Variants in TBL1XR1 observed in about 807,000 individuals in gnomAD.
The protein encoded by TBL1XR1 is TBL1X/Y related 1, also known as F-box-like/WD repeat-containing protein TBL1XR1.
TBL1XR1 carries 5 observed loss-of-function variants against 66.9 expected under a neutral mutation model. That is an observed-to-expected ratio of 0.07 (90% CI 0.04 to 0.16). The LOEUF is 0.16. TBL1XR1 is among the 10% of genes least tolerant of loss of function. The pLI is 1.00. For synonymous variants in TBL1XR1, 210 were observed against 206.0 expected (o/e 1.02, Z -0.17); for missense variants, 238 against 623.2 (o/e 0.38, Z 6.58).
At position 177,149,014 on chromosome 3, in the gene TBL1XR1, AAAAG is replaced by A. The variant is rs775458353; in HGVS notation, c.-122+48103_-122+48106del. On this transcript the variant is annotated intron_variant, in intron 1 of 15. Coordinates refer to ENST00000457928, the MANE Select transcript of TBL1XR1 (RefSeq NM_024665.7). ...GAGCAAAACTCCCTCAAAAAAAAAG[AAAAG>A]AAAAGAAAAGAAAAAACTCCAGGAG... Among the ~76,000 whole-genome samples, 119 of 59,880 alleles carry A rather than the reference AAAAG, an allele frequency of 2.0e-3. 4 individuals carry two copies. The highest frequency in any genetic ancestry group is 2.1e-3 in the Non-Finnish European group (48 of 22,936). The allele number at this position is 59,880 out of a possible 152,430, so 39.3% of individuals were successfully genotyped here.
rs77309313 is a variant in TBL1XR1 at position 177,041,259 on chromosome 3, C to T, written c.926-2825G>A. On this transcript the variant is annotated intron_variant, in intron 10 of 15. Transcript: ENST00000457928. ...AACTTCACAGAACTGCCTTGCTCTG[C>T]TGCTCTGTATCCAAGCTGGTGTTGT... is the stretch of plus-strand genomic sequence containing the variant. 148 of 152,572 alleles carry T rather than the reference C, an allele frequency of 9.7e-4. 3 individuals carry two copies. The East Asian group carries it at 0.025, about 26-fold the overall frequency. 9.5% of individuals were successfully genotyped at this position (152,572 alleles called of 1,614,324 possible).
intron 2 of TBL1XR1, among the ~76,000 whole-genome samples, chr3:177,097,535 G>T (rs1404289839): frequency 6.6e-6 from 1 of 152,050 alleles, no homozygotes; most frequent in Non-Finnish European, 1.5e-5. Flanking sequence ...TAAAGCAAAT[G>T]CCAGCTCCCA....
At chr3:177,193,129 G>C (rs1302123192) in intron 1 of TBL1XR1, among the ~76,000 whole-genome samples, 1 of 151,086 alleles carries the variant, frequency 6.6e-6, no homozygotes, top group African/African-American at 2.4e-5. Context: ...CTCCAGCCTG[G>C]GCAACAGAGC....
chr3:177,079,154 G>A (rs1370086154), intron 2 of TBL1XR1, among the ~76,000 whole-genome samples: 3 of 152,018 alleles, frequency 2.0e-5, no homozygotes, highest in South Asian at 2.1e-4. Flanking sequence ...AATGTCGGCC[G>A]GGTGCGGTGG....
intron 1 of TBL1XR1, among the ~76,000 whole-genome samples, chr3:177,172,959 G>A (rs1276802420): frequency 6.6e-6 from 1 of 152,062 alleles, no homozygotes; most frequent in Non-Finnish European, 1.5e-5. Flanking sequence ...GATCACCTGA[G>A]GTCAGGAGTT....
rs569015717 is a variant in TBL1XR1 at position 177,133,147 on chromosome 3, C to A, written c.-121-34606G>T. On this transcript the variant is annotated intron_variant, in intron 1 of 15. Transcript: ENST00000457928. ...CTAAAAATACAAAAAACTAGCCGGG[C>A]ATGGTGGCGCACATCTGTAATCCCA... 3.9e-5 allele frequency among the ~76,000 whole-genome samples: 6 copies of A among 152,140 alleles called. No homozygotes were observed. The East Asian group carries it at 1.2e-3, about 30-fold the overall frequency.
In TBL1XR1 at chr3:177,131,177, G is replaced by A. The variant is rs80304320; in HGVS notation, c.-121-32636C>T. 0.018 allele frequency among the ~76,000 whole-genome samples: 2,769 copies of A among 151,978 alleles called. 165 individuals carry two copies. In the East Asian group the frequency reaches 0.21, roughly 11 times the overall value. ...ATATTGAGAACTTCTTCAGCAAATC[G>A]GGAATCCATGTCAAGCGTAGGAGAC... On this transcript the variant is annotated intron_variant, in intron 1 of 15. Transcript: ENST00000457928.
chr3:177,200,116 G>A (rs1310436434), upstream of TBL1XR1, among the ~76,000 whole-genome samples: 1 of 152,048 alleles, frequency 6.6e-6, no homozygotes, highest in Non-Finnish European at 1.5e-5. Context: ...GGGATTACAG[G>A]CATGCACCAC....
intron 14 of TBL1XR1, among the ~76,000 whole-genome samples, chr3:177,028,987 A>G (rs980650042): frequency 6.6e-6 from 1 of 152,190 alleles, no homozygotes; most frequent in Non-Finnish European, 1.5e-5. Flanking sequence ...GGAAATATCT[A>G]TACCTCACAC....
intron 14 of TBL1XR1, among the ~76,000 whole-genome samples, chr3:177,031,080 C>A (rs1713922845): frequency 6.6e-6 from 1 of 152,044 alleles, no homozygotes; most frequent in Non-Finnish European, 1.5e-5. Context: ...CCATCGCACT[C>A]CAGCCTGGGG....
intron 2 of TBL1XR1, among the ~76,000 whole-genome samples, chr3:177,093,779 A>G (rs1723121450): frequency 6.6e-6 from 1 of 152,192 alleles, no homozygotes; most frequent in African/African-American, 2.4e-5. Flanking sequence ...TATGTAGAAG[A>G]AGGAAACTGT....
chr3:177,158,444 G>T (rs1731787454), intron 1 of TBL1XR1, among the ~76,000 whole-genome samples: 1 of 151,920 alleles, frequency 6.6e-6, no homozygotes, highest in South Asian at 2.1e-4. Flanking sequence ...GGCCAGGCTG[G>T]TCTCGAACTC....
chr3:177,091,616 C>A, intron 2 of TBL1XR1, among the ~76,000 whole-genome samples: 1 of 152,008 alleles, frequency 6.6e-6, no homozygotes, highest in African/African-American at 2.4e-5. Context: ...GCTCTTTTGG[C>A]CAAGGGAATG....
At chr3:177,130,446 T>C (rs1301183434) in intron 1 of TBL1XR1, among the ~76,000 whole-genome samples, 2 of 152,120 alleles carry the variant, frequency 1.3e-5, no homozygotes, top group African/African-American at 4.8e-5. Context: ...GAAAGACAGT[T>C]AGGCAATAAA....
intron 2 of TBL1XR1, among the ~76,000 whole-genome samples, chr3:177,094,936 G>T (rs1188768702): frequency 2.0e-5 from 3 of 151,364 alleles, no homozygotes; most frequent in Non-Finnish European, 4.4e-5. Flanking sequence ...ATCCATGTAA[G>T]CAACCACCAC....
chr3:177,087,644 C>T (rs940950915), intron 2 of TBL1XR1, among the ~76,000 whole-genome samples: 5 of 151,970 alleles, frequency 3.3e-5, no homozygotes, highest in African/African-American at 1.2e-4. Context: ...CTAGAAGTTC[C>T]TGTCCTTTAC....
At chr3:177,096,335 T>TACACAC (rs6148210) in intron 2 of TBL1XR1, among the ~76,000 whole-genome samples, 2,780 of 150,306 alleles carry the variant, frequency 0.018, 87 homozygotes, top group African/African-American at 0.064. Flanking sequence ...CATACATACA[T>TACACAC]ACACACACAC....
intron 1 of TBL1XR1, among the ~76,000 whole-genome samples, chr3:177,149,063 G>T (rs1328074309): frequency 6.6e-6 from 1 of 151,962 alleles, no homozygotes; most frequent in Admixed American, 6.6e-5. Context: ...TGCTTTAGAA[G>T]TAAGCAATGA....
chr3:177,067,646 G>T lies in TBL1XR1; in HGVS notation c.-45-2624C>A, dbSNP rs1211571232. Among the ~76,000 whole-genome samples the T allele has an allele frequency of 2.0e-5, 3 of 151,968 alleles. No homozygotes were observed. In the East Asian group the frequency reaches 5.8e-4, roughly 29 times the overall value. On this transcript the variant is annotated intron_variant, in intron 2 of 15. Coordinates refer to ENST00000457928, the MANE Select transcript of TBL1XR1 (RefSeq NM_024665.7). ...AGCAGGAAAGTTATCTGTCCAAACT[G>T]CTATAAACTGATTATTTAATTGATC...
Sources: gnomAD v4.1 joint callset for allele counts (sites outside exome capture counted in the v4.1 genomes callset) on GRCh38, gnomAD v4.1.1 for gene constraint, MANE v1.5 for transcripts, NCBI Gene and HGNC (gene_info 2026-07-23, HGNC 2026-07-21) for gene names.